The following STIM2 variants were observed in gnomAD, a reference collection of about 807,000 sequenced individuals.
STIM2 encodes the protein stromal interaction molecule 2.
Under a neutral mutation model 85.8 loss-of-function variants are expected in STIM2, and 31 were observed. The ratio of observed to expected loss-of-function variants is 0.36; its 90% CI spans 0.27 to 0.49. The LOEUF (loss-of-function observed/expected upper bound fraction) is 0.49. Among genes scored for constraint, STIM2 ranks in the 20% least tolerant of loss-of-function variants. The probability of loss-of-function intolerance (pLI) is 0.98; values close to 1 mark genes in which losing one functional copy is unlikely to be tolerated. For synonymous variants in STIM2, 356 were observed against 331.1 expected, an observed-to-expected ratio of 1.08 and a Z score of -0.82; for missense variants, 841 against 927.6, an observed-to-expected ratio of 0.91 and a Z score of 1.21.
At chr4:26,867,056 A>G (rs9990447) in intron 1 of STIM2, among the ~76,000 whole-genome samples, 4,265 of 152,274 alleles carry the variant, frequency 0.028, 212 homozygotes, top group African/African-American at 0.098. Context: ...AGATAAGGAT[A>G]TCAGTTAGGA....
chr4:26,983,468 A>T (rs1295707536), intron 3 of STIM2, among the ~76,000 whole-genome samples: 2 of 152,240 alleles, frequency 1.3e-5, no homozygotes, highest in Non-Finnish European at 2.9e-5. Context: ...TAGCTTAATA[A>T]TATTTGTGAA....
intron 1 of STIM2, among the ~76,000 whole-genome samples, chr4:26,902,417 TAA>T (rs1393397493): frequency 1.3e-5 from 2 of 152,176 alleles, no homozygotes; most frequent in East Asian, 3.8e-4. Flanking sequence ...ACTTTAATCC[TAA>T]GTGTTAAGAG....
chr4:27,014,926 G>A (rs913369520), intron 10 of STIM2, among the ~76,000 whole-genome samples: 2 of 151,830 alleles, frequency 1.3e-5, no homozygotes, highest in African/African-American at 4.8e-5. Flanking sequence ...ACTGCTTTAT[G>A]GCTATGCTTT....
chr4:26,970,191 G>A (rs1031279456), intron 3 of STIM2, among the ~76,000 whole-genome samples: 6 of 79,772 alleles, frequency 7.5e-5, no homozygotes, highest in African/African-American at 3.3e-4. Context: ...TTCGGTTTTA[G>A]TGTGTGTGTA....
chr4:26,943,740 A>G (rs976973456), intron 2 of STIM2, among the ~76,000 whole-genome samples: 1 of 152,134 alleles, frequency 6.6e-6, no homozygotes, highest in Admixed American at 6.6e-5. Context: ...TTTTTTTTCA[A>G]AGATAATATA....
intron 7 of STIM2, among the ~76,000 whole-genome samples, chr4:27,003,535 C>T (rs1445093999): frequency 1.3e-5 from 2 of 152,108 alleles, no homozygotes; most frequent in Non-Finnish European, 2.9e-5. Context: ...TTCTGAAGCT[C>T]CTTTCCAATA....
At chr4:26,976,013 G>A (rs973642349) in intron 3 of STIM2, among the ~76,000 whole-genome samples, 1 of 152,194 alleles carries the variant, frequency 6.6e-6, no homozygotes, top group Non-Finnish European at 1.5e-5. Flanking sequence ...AGACTGCTGC[G>A]CTAGCAGTGA....
chr4:26,977,759 G>C (rs973124134), intron 3 of STIM2, among the ~76,000 whole-genome samples: 30 of 152,222 alleles, frequency 2.0e-4, no homozygotes, highest in Admixed American at 1.8e-3. Context: ...TCATGGGGGA[G>C]GTTGTTAATA....
At chr4:26,972,095 C>T (rs1420975148) in intron 3 of STIM2, among the ~76,000 whole-genome samples, 1 of 152,116 alleles carries the variant, frequency 6.6e-6, no homozygotes, top group Non-Finnish European at 1.5e-5. Flanking sequence ...GATTTTGTAT[C>T]CTGACACTTT....
intron 3 of STIM2, among the ~76,000 whole-genome samples, chr4:26,963,598 A>G (rs1319227980): frequency 6.6e-6 from 1 of 152,142 alleles, no homozygotes. Flanking sequence ...GGAGTTTAAC[A>G]GTGTTTTGCA....
intron 1 of STIM2, among the ~76,000 whole-genome samples, chr4:26,891,398 A>T (rs747085366): frequency 6.6e-6 from 1 of 152,072 alleles, no homozygotes; most frequent in Non-Finnish European, 1.5e-5. Flanking sequence ...CAGAATTTGG[A>T]CTCAAGTAAA....
intron 7 of STIM2, among the ~76,000 whole-genome samples, chr4:27,004,521 C>A (rs552248540): frequency 1.3e-5 from 2 of 151,782 alleles, no homozygotes; most frequent in Admixed American, 1.3e-4. Flanking sequence ...TAAAAAAGAG[C>A]GAATCAGAAA....
In STIM2 at chr4:26,983,744, A is replaced by G. The variant is rs554304233; in HGVS notation, c.398-11635A>G. On this transcript the variant is annotated intron_variant, in intron 3 of 11. Transcript: ENST00000467087. Reference sequence around the variant, plus strand: ...ATTTATTAACTAGGCTTTTGTATTCATTTTTTGTTGAACTCCCTCTAAAAG... The same window carrying G: ...ATTTATTAACTAGGCTTTTGTATTCGTTTTTTGTTGAACTCCCTCTAAAAG... Among the ~76,000 whole-genome samples, 8 of 152,282 alleles carry G rather than the reference A, an allele frequency of 5.3e-5. No individual in the cohort carries two copies. The East Asian group carries it at 1.4e-3, about 26-fold the overall frequency.
At position 26,875,330 on chromosome 4, in the gene STIM2, A is replaced by C. The variant is rs74814420; in HGVS notation, c.151+13961A>C. ...CTGAATGTAACCAAACTTATATATGAATAATCTATGATGAGTTGTTTAAAC... is the reference window on the plus strand; with the variant it reads ...CTGAATGTAACCAAACTTATATATGCATAATCTATGATGAGTTGTTTAAAC... On this transcript the variant is annotated intron_variant, in intron 1 of 11. Transcript: ENST00000467087. 8.5e-5 allele frequency among the ~76,000 whole-genome samples: 13 copies of C among 152,302 alleles called. No homozygotes were observed. The East Asian group carries it at 2.3e-3, about 27-fold the overall frequency.
In STIM2 at chr4:27,021,078, A is replaced by G. The variant is rs780416466; in HGVS notation, c.1764-1441A>G. The G allele has an allele frequency of 5.5e-5, 85 of 1,534,282 alleles. 1 individual carries two copies. The Admixed American group carries it at 5.7e-4, about 10-fold the overall frequency. On this transcript the variant is annotated intron_variant, in intron 11 of 11. Coordinates refer to ENST00000467087, the MANE Select transcript of STIM2 (RefSeq NM_020860.4). ...CTCTCAAAAAAAAAAAGTGAGTAAG[A>G]TGTGATCCCTGTTCTTTAATATCTC...
intron 3 of STIM2, among the ~76,000 whole-genome samples, chr4:26,965,287 C>A (rs1044664439): frequency 6.6e-6 from 1 of 152,084 alleles, no homozygotes; most frequent in Non-Finnish European, 1.5e-5. Context: ...ATAGGTGACA[C>A]CAGTATGTTG....
intron 11 of STIM2, among the ~76,000 whole-genome samples, 175 bp from the exon 12 acceptor site, chr4:27,022,344 A>C (rs1048187527): frequency 6.6e-6 from 1 of 152,242 alleles, no homozygotes; most frequent in African/African-American, 2.4e-5. Context: ...AGTTTTGAGA[A>C]GCCATATTAT....
chr4:27,014,781 A>G (rs1728680259), intron 10 of STIM2, among the ~76,000 whole-genome samples: 1 of 151,936 alleles, frequency 6.6e-6, no homozygotes, highest in Non-Finnish European at 1.5e-5. Flanking sequence ...AAAATCTCCC[A>G]TGGTGGTCAG....
chr4:26,880,333 C>G (rs1722958329), intron 1 of STIM2, among the ~76,000 whole-genome samples: 1 of 152,010 alleles, frequency 6.6e-6, no homozygotes, highest in African/African-American at 2.4e-5. Context: ...TTTTTGGTGA[C>G]TTCCTATAGG....
Sources: gnomAD v4.1 joint callset for allele counts (sites outside exome capture counted in the v4.1 genomes callset) on GRCh38, gnomAD v4.1.1 for gene constraint, MANE v1.5 for transcripts, NCBI Gene and HGNC (gene_info 2026-07-23, HGNC 2026-07-21) for gene names.